The following SSX2IP variants were observed in gnomAD, a reference collection of about 807,000 sequenced individuals.
SSX2IP encodes SSX family member 2 interacting protein, also known as afadin- and alpha-actinin-binding protein.
A neutral mutation model predicts 84.9 loss-of-function variants in SSX2IP; 55 were observed. The ratio of observed to expected loss-of-function variants is 0.65; its 90% CI spans 0.52 to 0.81. The LOEUF (loss-of-function observed/expected upper bound fraction) is 0.81. SSX2IP is among the 30% of genes least tolerant of loss of function. SSX2IP has a pLI of 0.00. For synonymous variants in SSX2IP, 239 were observed against 234.7 expected (o/e 1.02, Z -0.17); for missense variants, 664 against 705.2 (o/e 0.94, Z 0.66).
Position 84,650,385 on chromosome 1 carries a change from T to A in SSX2IP, c.1647A>T (p.Thr549=), listed in dbSNP as rs1329843945. 2.5e-6 allele frequency: 4 copies of A among 1,614,210 alleles called. No individual in the cohort carries two copies. In the South Asian group the frequency reaches 4.4e-5, roughly 18 times the overall value. The stretch of plus-strand genomic sequence containing the variant: ...ACCTATGTTCAGATATGCAGGAACG[T>A]GTCTGGCAAAAGTCTGAAGTGGAAG... ...ASPSTSDFCQ[T]RSCISEHSSI... is the part of the protein sequence containing the mutation. Residue 549 remains threonine (T), a synonymous_variant, in exon 13 of 14, where the codon ACA becomes ACT. Coordinates refer to ENST00000342203, the MANE Select transcript of SSX2IP (RefSeq NM_001166293.2).
intron 1 of SSX2IP, among the ~76,000 whole-genome samples, chr1:84,674,149 C>T (rs1653964575): frequency 6.6e-6 from 1 of 152,196 alleles, no homozygotes; most frequent in Non-Finnish European, 1.5e-5. Context: ...CCATACCTCT[C>T]TGATAAATTA....
intron 1 of SSX2IP, among the ~76,000 whole-genome samples, chr1:84,674,036 T>C (rs1239621500): frequency 2.0e-5 from 3 of 152,228 alleles, no homozygotes; most frequent in African/African-American, 7.2e-5. Flanking sequence ...TGATTTTACT[T>C]CTAGCTTTCT....
intron 1 of SSX2IP, among the ~76,000 whole-genome samples, chr1:84,673,936 C>T (rs1031168221): frequency 6.6e-6 from 1 of 152,052 alleles, no homozygotes; most frequent in African/African-American, 2.4e-5. Context: ...AGGAAGGGCA[C>T]CTTGAACTAT....
chr1:84,689,048 T>C (rs1656205721), intron 1 of SSX2IP, among the ~76,000 whole-genome samples: 1 of 152,224 alleles, frequency 6.6e-6, no homozygotes, highest in African/African-American at 2.4e-5. Flanking sequence ...TCCTTACTTG[T>C]TTAGTGTGAA....
chr1:84,663,409 T>C (rs1311556192), intron 6 of SSX2IP, among the ~76,000 whole-genome samples: 1 of 152,182 alleles, frequency 6.6e-6, no homozygotes, highest in Non-Finnish European at 1.5e-5. Flanking sequence ...CATGAATGAA[T>C]ATGAGGCTAA....
At chr1:84,652,018 A>G in intron 11 of SSX2IP, 21 bp from the exon 12 acceptor site, 1 of 1,541,776 alleles carries the variant, frequency 6.5e-7, no homozygotes, top group Non-Finnish European at 9.0e-7. Context: ...CAGCCAAAGA[A>G]ATAATGATCA....
chr1:84,679,185 G>A (rs1241978601), intron 1 of SSX2IP, among the ~76,000 whole-genome samples: 3 of 152,034 alleles, frequency 2.0e-5, no homozygotes, highest in African/African-American at 7.2e-5. Context: ...TTAAAAACTA[G>A]ATATATTACA....
chr1:84,649,226 A>C (rs961533482), intron 13 of SSX2IP, among the ~76,000 whole-genome samples: 5 of 152,178 alleles, frequency 3.3e-5, no homozygotes, highest in Non-Finnish European at 7.3e-5. Context: ...TCATAGGTAC[A>C]CGTGGGTTCA....
At chr1:84,664,838 G>A (rs779406593) in intron 5 of SSX2IP, among the ~76,000 whole-genome samples, 1 of 151,968 alleles carries the variant, frequency 6.6e-6, no homozygotes, top group Non-Finnish European at 1.5e-5. Flanking sequence ...GTATTAAAAC[G>A]ATTAAAACTT....
intron 13 of SSX2IP, 99 bp from the exon 14 acceptor site, chr1:84,647,706 T>A: frequency 2.2e-6 from 2 of 917,802 alleles, no homozygotes; most frequent in Non-Finnish European, 2.9e-6. Flanking sequence ...AAGTTCCTTT[T>A]AATTCTAAAA....
At chr1:84,679,823 T>C (rs1654836823) in intron 1 of SSX2IP, among the ~76,000 whole-genome samples, 1 of 152,226 alleles carries the variant, frequency 6.6e-6, no homozygotes, top group Non-Finnish European at 1.5e-5. Context: ...CTGTTATTTT[T>C]TCCTTTTTAC....
intron 13 of SSX2IP, chr1:84,649,815 G>C (rs1570552013): frequency 5.1e-6 from 2 of 393,784 alleles, no homozygotes; most frequent in East Asian, 1.4e-4. Flanking sequence ...TGAGATACAG[G>C]AAAACACCAA....
chr1:84,690,010 C>T (rs1656366667), intron 1 of SSX2IP: 1 of 152,472 alleles, frequency 6.6e-6, no homozygotes, highest in African/African-American at 2.4e-5. Context: ...CCCTCCTCCC[C>T]CACGTCCCCG....
At position 84,664,623 on chromosome 1, in the gene SSX2IP, C is replaced by T. The variant is rs867611121; in HGVS notation, c.538-71G>A. ...TTTGAAAGAGAAAAATCCTAAAATT[C>T]ATCTCCCCATATAGGTTTTAAAATC... On this transcript the variant is annotated intron_variant, in intron 5 of 13. Transcript: ENST00000342203. The T allele has an allele frequency of 1.5e-6, 2 of 1,334,648 alleles. 1 individual carries two copies. Among genetic ancestry groups the T allele is most frequent in the Middle Eastern group, 5.0e-4 (2 of 4,028 alleles). The allele number at this position is 1,334,648 out of a possible 1,614,324, so 82.7% of individuals were successfully genotyped here. A position where few individuals can be genotyped will look rare whatever the true frequency, so the allele number is the denominator to read the frequency against.
rs1653233888 is a variant in SSX2IP, at chr1:84,669,532, G to A, written c.426+149C>T. The A allele has an allele frequency of 4.7e-6, 3 of 636,966 alleles. No individual in the cohort carries two copies. In the South Asian group the frequency reaches 6.2e-5, roughly 13 times the overall value. The allele number at this position is 636,966 out of a possible 1,614,324, so 39.5% of individuals were successfully genotyped here. On this transcript the variant is annotated intron_variant, in intron 4 of 13. Transcript: ENST00000342203. ...ACTGTAGGTATTAGGAAGCAGATGT[G>A]TGTAAATTATAAGTTCACTTTTACT... is the stretch of plus-strand genomic sequence containing the variant.
At chr1:84,654,858 A>T (rs1650845131) in intron 11 of SSX2IP, among the ~76,000 whole-genome samples, 1 of 152,206 alleles carries the variant, frequency 6.6e-6, no homozygotes, top group South Asian at 2.1e-4. Flanking sequence ...GATAACAATG[A>T]AAAATAATAT....
At chr1:84,677,267 C>T (rs1217116747) in intron 1 of SSX2IP, among the ~76,000 whole-genome samples, 1 of 152,114 alleles carries the variant, frequency 6.6e-6, no homozygotes, top group Non-Finnish European at 1.5e-5. Flanking sequence ...CAAACAATAG[C>T]TTTGTTCTTG....
rs143202579 is a variant in SSX2IP at position 84,650,457 on chromosome 1, C to A, written c.1575G>T (p.Gly525=). ...TAAGTTTAGACATGCAAACTGGAGA[C>A]CCATTAGACACACTGTGAGGCTTCT... ...PQKKPHSVSN[G]SPVCMSKLTK... The change falls in exon 13 of 14, where the codon GGG becomes GGT. Residue 525 remains glycine (G), a synonymous_variant. Coordinates refer to ENST00000342203, the MANE Select transcript of SSX2IP (RefSeq NM_001166293.2). 6.2e-7 allele frequency: 1 copy of A among 1,614,042 alleles called. No homozygotes were observed. The highest frequency in any genetic ancestry group is 8.5e-7 in the Non-Finnish European group (1 of 1,180,038).
intron 1 of SSX2IP, among the ~76,000 whole-genome samples, chr1:84,678,060 C>T (rs1421371711): frequency 1.3e-5 from 2 of 152,088 alleles, no homozygotes; most frequent in African/African-American, 4.8e-5. Context: ...ATTTCGGAGT[C>T]CCTTCTAAAA....
Sources: allele counts gnomAD v4.1 joint callset (sites outside exome capture counted in the v4.1 genomes callset), GRCh38; gene constraint gnomAD v4.1.1; transcripts MANE v1.5; gene names NCBI Gene and HGNC (gene_info 2026-07-23, HGNC 2026-07-21).